The following SSUH2 variants were observed in gnomAD, a reference collection of about 807,000 sequenced individuals.
The protein encoded by SSUH2 is ssu-2 homolog, also known as protein SSUH2 homolog.
SSUH2 carries 47 observed loss-of-function variants against 55.3 expected under a neutral mutation model. That is an observed-to-expected ratio of 0.85 (90% CI 0.67 to 1.08). The LOEUF is 1.08. Ranked by LOEUF, SSUH2 falls within the 50% of genes least tolerant of loss-of-function variation. SSUH2 has a pLI of 0.00. For missense variants in SSUH2, 535 were observed against 490.7 expected (o/e 1.09, Z -0.85); for synonymous variants, 212 against 191.5 (o/e 1.11, Z -0.89).
intron 1 of SSUH2, among the ~76,000 whole-genome samples, chr3:8,638,911 C>T (rs145995497): frequency 1.6e-3 from 243 of 152,268 alleles, no homozygotes; most frequent in African/African-American, 5.4e-3. Flanking sequence ...AAATACCATT[C>T]GGCTGCAATG....
At position 8,619,530 on chromosome 3, in the gene SSUH2, C is replaced by T. The variant is rs751406272; in HGVS notation, c.*338G>A. On this transcript the variant is annotated 3_prime_UTR_variant, in exon 12 of 12. Transcript: ENST00000544814. ...AGAAGAAGCACACCAGAACCAAGAC[C>T]GACAAAGGGAAAAAGCAAAATCAAA... is the stretch of plus-strand genomic sequence containing the variant. The T allele has an allele frequency of 7.0e-5, 16 of 228,954 alleles. No homozygotes were observed. Among genetic ancestry groups the T allele is most frequent in the Admixed American group, 1.1e-4 (2 of 18,644 alleles). 14.2% of individuals were successfully genotyped at this position (228,954 alleles called of 1,614,324 possible).
intron 1 of SSUH2, chr3:8,639,941 A>G (rs1177304815): frequency 2.4e-5 from 24 of 980,978 alleles, no homozygotes; most frequent in Non-Finnish European, 2.8e-5. Context: ...GGGAACAGCA[A>G]ACCTACCACG....
intron 5 of SSUH2, among the ~76,000 whole-genome samples, chr3:8,665,888 A>G (rs1703948743): frequency 6.6e-6 from 1 of 152,194 alleles, no homozygotes; most frequent in Non-Finnish European, 1.5e-5. Flanking sequence ...CATTTTCAAC[A>G]TCAAAGTTGT....
At chr3:8,680,105 G>A (rs1185046052) in intron 1 of SSUH2, among the ~76,000 whole-genome samples, 4 of 152,172 alleles carry the variant, frequency 2.6e-5, no homozygotes, top group Non-Finnish European at 4.4e-5. Context: ...GAGAAAAGAT[G>A]GCAGCTGGAC....
At chr3:8,669,697 C>G (rs1704333248) in intron 5 of SSUH2, among the ~76,000 whole-genome samples, 1 of 152,198 alleles carries the variant, frequency 6.6e-6, no homozygotes, top group African/African-American at 2.4e-5. Context: ...AAGAGCACAT[C>G]ACCACCATGG....
At chr3:8,659,022 G>C (rs1248047678) in intron 6 of SSUH2, 1 of 152,202 alleles carries the variant, frequency 6.6e-6, no homozygotes, top group Non-Finnish European at 1.5e-5. Context: ...TTCTAGAAAA[G>C]GAAACTATGG....
At chr3:8,640,865 T>C (rs930023729) in intron 1 of SSUH2, among the ~76,000 whole-genome samples, 31 of 152,210 alleles carry the variant, frequency 2.0e-4, no homozygotes, top group African/African-American at 6.5e-4. Context: ...AATATTGCAA[T>C]TTTTGTTTTC....
chr3:8,670,535 G>C (rs1201383954), intron 5 of SSUH2, among the ~76,000 whole-genome samples: 17 of 151,918 alleles, frequency 1.1e-4, no homozygotes, highest in Non-Finnish European at 4.4e-5. Context: ...CACAGGCGTT[G>C]AATACGTATG....
At chr3:8,661,869 T>C (rs927990359) in intron 6 of SSUH2, among the ~76,000 whole-genome samples, 1 of 152,218 alleles carries the variant, frequency 6.6e-6, no homozygotes, top group Non-Finnish European at 1.5e-5. Flanking sequence ...CAGTGGGAGA[T>C]AATTGAATCA....
Position 8,626,330 on chromosome 3 carries a change from G to A in SSUH2, c.675-9C>T, listed in dbSNP as rs374014210. On this transcript the variant is annotated splice_polypyrimidine_tract_variant and intron_variant, in intron 8 of 11. Transcript: ENST00000544814. ...CTGAGCAAGTGCTGCATCTGAGAAAGGCACAGAGTCCGTACCCCCAGATCA... is the reference window on the plus strand; with the variant it reads ...CTGAGCAAGTGCTGCATCTGAGAAAAGCACAGAGTCCGTACCCCCAGATCA... 3.1e-5 allele frequency: 50 copies of A among 1,612,416 alleles called. No individual in the cohort carries two copies. The highest frequency in any genetic ancestry group is 4.2e-5 in the Non-Finnish European group (49 of 1,178,590).
intron 6 of SSUH2, among the ~76,000 whole-genome samples, chr3:8,660,552 G>C (rs1214350913): frequency 6.6e-6 from 1 of 152,166 alleles, no homozygotes; most frequent in African/African-American, 2.4e-5. Context: ...CCCTGCCAGA[G>C]CAAGATTGAA....
chr3:8,674,663 C>G (rs1329335527), intron 3 of SSUH2, among the ~76,000 whole-genome samples: 1 of 152,210 alleles, frequency 6.6e-6, no homozygotes, highest in Non-Finnish European at 1.5e-5. Context: ...ACATGCCTGA[C>G]TGTCCCTTGC....
intron 2 of SSUH2, among the ~76,000 whole-genome samples, chr3:8,679,316 A>T (rs137989275): frequency 1.6e-5 from 1 of 63,230 alleles, no homozygotes; most frequent in Non-Finnish European, 3.6e-5. Context: ...GGCGGGGACT[A>T]AGAGCCAGCC....
At chr3:8,635,713 G>A in intron 2 of SSUH2, 46 bp downstream of exon 2, 2 of 1,475,494 alleles carry the variant, frequency 1.4e-6, no homozygotes, top group African/African-American at 1.4e-5. Context: ...CAACCAGCGT[G>A]AGCCCTAGGT....
chr3:8,654,598 G>A (rs780229009), intron 7 of SSUH2, among the ~76,000 whole-genome samples: 5 of 152,158 alleles, frequency 3.3e-5, no homozygotes, highest in South Asian at 2.1e-4. Flanking sequence ...GAATAGAACC[G>A]TAGCACCTCA....
chr3:8,676,412 T>C (rs1038969817), intron 3 of SSUH2, among the ~76,000 whole-genome samples: 1 of 151,268 alleles, frequency 6.6e-6, no homozygotes, highest in Non-Finnish European at 1.5e-5. Context: ...TAATATCATC[T>C]TCTTCCCTCC....
intron 2 of SSUH2, among the ~76,000 whole-genome samples, chr3:8,678,418 C>A (rs1337105636): frequency 6.6e-6 from 1 of 152,074 alleles, no homozygotes; most frequent in African/African-American, 2.4e-5. Context: ...GCTGGGTGAA[C>A]AGCCTGCGAT....
intron 7 of SSUH2, chr3:8,629,456 T>C: frequency 1.7e-6 from 1 of 572,448 alleles, no homozygotes. Context: ...AAAATCGAAC[T>C]GTCAAAGTGA....
At chr3:8,624,864 C>T (rs891237398) in intron 10 of SSUH2, among the ~76,000 whole-genome samples, 6 of 152,168 alleles carry the variant, frequency 3.9e-5, no homozygotes, top group African/African-American at 1.4e-4. Context: ...CTGCTCACTG[C>T]CCTCTGCCAG....
Sources: allele counts gnomAD v4.1 joint callset (sites outside exome capture counted in the v4.1 genomes callset), GRCh38; gene constraint gnomAD v4.1.1; transcripts MANE v1.5; gene names NCBI Gene and HGNC (gene_info 2026-07-23, HGNC 2026-07-21).